NRG3: variants seen among roughly 807,000 people sequenced by gnomAD.
NRG3 encodes neuregulin 3.
NRG3 carries 31 observed loss-of-function variants against 66.9 expected under a neutral mutation model. The observed-to-expected ratio is 0.46, with a 90% confidence interval of 0.35 to 0.63. The LOEUF is 0.63. Ranked by LOEUF, NRG3 falls within the 20% of genes least tolerant of loss-of-function variation. The probability of loss-of-function intolerance (pLI) is 0.00; values close to 1 mark genes in which losing one functional copy is unlikely to be tolerated. For missense variants in NRG3, 910 were observed against 878.9 expected, an observed-to-expected ratio of 1.04 and a Z score of -0.45; for synonymous variants, 393 against 359.4, an observed-to-expected ratio of 1.09 and a Z score of -1.06.
intron 2 of NRG3, among the ~76,000 whole-genome samples, chr10:82,372,207 G>A (rs1326487885): frequency 6.6e-6 from 1 of 152,202 alleles, no homozygotes; most frequent in Admixed American, 6.5e-5. Flanking sequence ...TATTGGAGAA[G>A]TTTCTCTTTA....
chr10:82,694,676 C>T (rs898651306), intron 2 of NRG3, among the ~76,000 whole-genome samples: 3 of 152,134 alleles, frequency 2.0e-5, no homozygotes, highest in African/African-American at 7.2e-5. Flanking sequence ...TCCTTTGAGC[C>T]CAGAAGGTTG....
chr10:82,172,933 A>G (rs1255373576), intron 1 of NRG3, among the ~76,000 whole-genome samples: 1 of 152,050 alleles, frequency 6.6e-6, no homozygotes, highest in Non-Finnish European at 1.5e-5. Flanking sequence ...TCTCTCTATT[A>G]CTTTTAGAAT....
chr10:82,890,443 C>G (rs917478286), intron 4 of NRG3, among the ~76,000 whole-genome samples: 1 of 151,882 alleles, frequency 6.6e-6, no homozygotes, highest in Non-Finnish European at 1.5e-5. Context: ...TTGTATCACC[C>G]GAACAAAACT....
chr10:82,744,534 C>T (rs1365893450), intron 3 of NRG3, among the ~76,000 whole-genome samples: 2 of 152,152 alleles, frequency 1.3e-5, no homozygotes, highest in African/African-American at 4.8e-5. Context: ...CTCTTACTAG[C>T]ACCACATTAA....
intron 2 of NRG3, among the ~76,000 whole-genome samples, chr10:82,420,593 C>G (rs76168932): frequency 6.6e-6 from 1 of 152,136 alleles, no homozygotes; most frequent in Admixed American, 6.6e-5. Flanking sequence ...AATGGCAAAG[C>G]TGCTCTGGAA....
chr10:82,903,237 A>G (rs574303933), intron 4 of NRG3, among the ~76,000 whole-genome samples: 2 of 152,282 alleles, frequency 1.3e-5, no homozygotes, highest in African/African-American at 4.8e-5. Context: ...TCTTGTTGCT[A>G]TCGTGGTGAG....
chr10:82,758,838 G>A (rs550842029), intron 3 of NRG3, among the ~76,000 whole-genome samples: 216 of 151,398 alleles, frequency 1.4e-3, no homozygotes, highest in African/African-American at 4.9e-3. Flanking sequence ...ATAATAAGCA[G>A]GTAAAACTTG....
At chr10:82,752,404 CA>C (rs368852446) in intron 3 of NRG3, among the ~76,000 whole-genome samples, 1 of 152,072 alleles carries the variant, frequency 6.6e-6, no homozygotes, top group Non-Finnish European at 1.5e-5. Flanking sequence ...GTAAAATGAA[CA>C]AAAAATCCCC....
intron 2 of NRG3, among the ~76,000 whole-genome samples, chr10:82,441,487 C>A (rs185826129): frequency 6.6e-6 from 1 of 152,102 alleles, no homozygotes; most frequent in Non-Finnish European, 1.5e-5. Flanking sequence ...CACTTTCATT[C>A]GGAAACTTCA....
At chr10:82,447,408 G>A (rs533409560) in intron 2 of NRG3, among the ~76,000 whole-genome samples, 25 of 152,082 alleles carry the variant, frequency 1.6e-4, no homozygotes, top group Non-Finnish European at 3.4e-4. Flanking sequence ...ACATAGTGAG[G>A]CCCCATCCCT....
At chr10:82,161,104 A>T (rs1267608211) in intron 1 of NRG3, among the ~76,000 whole-genome samples, 1 of 151,996 alleles carries the variant, frequency 6.6e-6, no homozygotes, top group African/African-American at 2.4e-5. Context: ...GTATTAAAAA[A>T]CTAAGAATTC....
chr10:82,831,480 T>A (rs2062519750), intron 3 of NRG3, among the ~76,000 whole-genome samples: 1 of 152,182 alleles, frequency 6.6e-6, no homozygotes, highest in Non-Finnish European at 1.5e-5. Flanking sequence ...TGTGTGTTTT[T>A]AAGCAGACTT....
chr10:82,254,965 T>C (rs577194136), intron 1 of NRG3, among the ~76,000 whole-genome samples: 3 of 152,348 alleles, frequency 2.0e-5, no homozygotes, highest in South Asian at 4.1e-4. Context: ...ATAGTGACCT[T>C]GTTTCTCCTT....
At chr10:82,781,117 T>A (rs2060102784) in intron 3 of NRG3, among the ~76,000 whole-genome samples, 1 of 152,142 alleles carries the variant, frequency 6.6e-6, no homozygotes, top group African/African-American at 2.4e-5. Flanking sequence ...TGAGGCACAG[T>A]GTTTTCCTTC....
intron 1 of NRG3, among the ~76,000 whole-genome samples, chr10:82,357,599 A>G (rs2083862454): frequency 1.3e-5 from 2 of 152,198 alleles, no homozygotes; most frequent in African/African-American, 4.8e-5. Flanking sequence ...TCACATGGAT[A>G]GGGAGTAAGA....
intron 1 of NRG3, among the ~76,000 whole-genome samples, chr10:82,033,473 T>C (rs1435926454): frequency 6.6e-6 from 1 of 152,150 alleles, no homozygotes; most frequent in East Asian, 1.9e-4. Flanking sequence ...TAAATAACAA[T>C]CACTGGTCTC....
At chr10:82,850,482 C>T (rs1241099755) in intron 3 of NRG3, among the ~76,000 whole-genome samples, 4 of 151,220 alleles carry the variant, frequency 2.6e-5, no homozygotes, top group Non-Finnish European at 5.9e-5. Context: ...ATCTTGGATT[C>T]ACCATCCATC....
intron 1 of NRG3, among the ~76,000 whole-genome samples, chr10:82,213,632 A>G (rs1299518589): frequency 6.6e-6 from 1 of 152,230 alleles, no homozygotes; most frequent in Non-Finnish European, 1.5e-5. Context: ...ATAATATACT[A>G]TAAAATATAA....
chr10:82,251,234 G>A (rs919574732), intron 1 of NRG3, among the ~76,000 whole-genome samples: 1 of 152,148 alleles, frequency 6.6e-6, no homozygotes, highest in Non-Finnish European at 1.5e-5. Context: ...GGAACTTGGA[G>A]CTGTTCCTTC....
Sources: gnomAD v4.1 joint callset for allele counts (sites outside exome capture counted in the v4.1 genomes callset) on GRCh38, gnomAD v4.1.1 for gene constraint, MANE v1.5 for transcripts, NCBI Gene and HGNC (gene_info 2026-07-23, HGNC 2026-07-21) for gene names.